NCKAP5: variants seen among roughly 807,000 people sequenced by gnomAD.
NCKAP5 encodes the protein nck-associated protein 5.
In NCKAP5, 92 loss-of-function variants were observed where a neutral mutation model predicts 167.0. The ratio of observed to expected loss-of-function variants is 0.55; its 90% confidence interval spans 0.47 to 0.66. The LOEUF is 0.66. Ranked by LOEUF, NCKAP5 falls within the 30% of genes least tolerant of loss-of-function variation. The probability of loss-of-function intolerance (pLI) is 0.00; values close to 1 mark genes in which losing one functional copy is unlikely to be tolerated. For synonymous variants in NCKAP5, 891 were observed against 877.4 expected, an observed-to-expected ratio of 1.02 and a Z score of -0.27; for missense variants, 2,378 against 2,315.0, an observed-to-expected ratio of 1.03 and a Z score of -0.56.
At chr2:132,812,821 C>T (rs1259514336) in intron 11 of NCKAP5, among the ~76,000 whole-genome samples, 1 of 152,106 alleles carries the variant, frequency 6.6e-6, no homozygotes, top group Non-Finnish European at 1.5e-5. Flanking sequence ...GCCAGCAGAT[C>T]CAGTGTCTGC....
At chr2:133,140,625 T>C (rs1322080328) in intron 5 of NCKAP5, among the ~76,000 whole-genome samples, 1 of 152,106 alleles carries the variant, frequency 6.6e-6, no homozygotes, top group Non-Finnish European at 1.5e-5. Flanking sequence ...GCCTAATTTA[T>C]GGTTTATAAA....
chr2:133,526,404 T>C (rs960057712), intron 2 of NCKAP5, among the ~76,000 whole-genome samples: 1 of 151,974 alleles, frequency 6.6e-6, no homozygotes, highest in African/African-American at 2.4e-5. Flanking sequence ...ATATATTGAT[T>C]AGTAAAATGC....
intron 11 of NCKAP5, among the ~76,000 whole-genome samples, chr2:132,812,922 A>G (rs1685992086): frequency 6.6e-6 from 1 of 152,128 alleles, no homozygotes; most frequent in Non-Finnish European, 1.5e-5. Context: ...GGACTCTTTT[A>G]TAAGGGCACT....
chr2:132,717,877 AT>A (rs1041787021), intron 19 of NCKAP5, among the ~76,000 whole-genome samples: 1 of 152,152 alleles, frequency 6.6e-6, no homozygotes, highest in Non-Finnish European at 1.5e-5. Flanking sequence ...TGACCATTGC[AT>A]TTTGAGGGTA....
At chr2:133,178,853 A>C (rs1836219) in intron 5 of NCKAP5, among the ~76,000 whole-genome samples, 3 of 140,610 alleles carry the variant, frequency 2.1e-5, no homozygotes, top group Non-Finnish European at 4.7e-5. Context: ...AAAAAAAAAA[A>C]CCCAGGTCTC....
intron 11 of NCKAP5, among the ~76,000 whole-genome samples, chr2:132,855,602 C>T (rs1177653708): frequency 6.6e-6 from 1 of 152,164 alleles, no homozygotes; most frequent in African/African-American, 2.4e-5. Context: ...GATGTTCTTG[C>T]CTCTTCTCCC....
intron 11 of NCKAP5, among the ~76,000 whole-genome samples, chr2:132,849,303 C>T (rs1688907124): frequency 6.6e-6 from 1 of 152,156 alleles, no homozygotes; most frequent in South Asian, 2.1e-4. Flanking sequence ...GCATTTCCAA[C>T]TCCTGCTTAT....
At chr2:133,099,911 T>C (rs2149674487) in intron 6 of NCKAP5, among the ~76,000 whole-genome samples, 1 of 152,348 alleles carries the variant, frequency 6.6e-6, no homozygotes, top group Non-Finnish European at 1.5e-5. Flanking sequence ...CTATGGCTAC[T>C]TTTGCGCTAC....
At chr2:132,973,065 G>C (rs925081567) in intron 7 of NCKAP5, among the ~76,000 whole-genome samples, 1 of 152,100 alleles carries the variant, frequency 6.6e-6, no homozygotes, top group Middle Eastern at 3.2e-3. Context: ...CCAATACTCA[G>C]TTCCACTGGG....
chr2:132,724,091 C>T (rs537692888), intron 19 of NCKAP5, among the ~76,000 whole-genome samples: 2 of 152,306 alleles, frequency 1.3e-5, no homozygotes, highest in Admixed American at 1.3e-4. Context: ...GCCATTCCCT[C>T]TACTGGGAGT....
At chr2:132,962,861 G>T (rs2076558859) in intron 8 of NCKAP5, among the ~76,000 whole-genome samples, 1 of 152,144 alleles carries the variant, frequency 6.6e-6, no homozygotes, top group Non-Finnish European at 1.5e-5. Flanking sequence ...AAAGTTCTGG[G>T]ATTACAGGCG....
intron 1 of NCKAP5, among the ~76,000 whole-genome samples, chr2:133,566,860 C>T (rs537226740): frequency 1.1e-3 from 173 of 152,316 alleles, no homozygotes; most frequent in African/African-American, 3.6e-3. Context: ...CTCTAATACA[C>T]AAAACATATC....
chr2:133,446,795 T>C (rs2151183591), intron 3 of NCKAP5, among the ~76,000 whole-genome samples: 1 of 151,444 alleles, frequency 6.6e-6, no homozygotes, highest in East Asian at 1.9e-4. Flanking sequence ...GAGACAACCA[T>C]GGGAGAGAGG....
At chr2:133,574,071 C>T in the NCKAP5 span, among the ~76,000 whole-genome samples, 1 of 152,098 alleles carries the variant, frequency 6.6e-6, no homozygotes, top group East Asian at 1.9e-4. Context: ...CAATTTTCAC[C>T]TGATTCTGGG....
At chr2:133,488,731 C>T (rs1488823726) in intron 3 of NCKAP5, among the ~76,000 whole-genome samples, 1 of 152,044 alleles carries the variant, frequency 6.6e-6, no homozygotes, top group Non-Finnish European at 1.5e-5. Flanking sequence ...AGACGGCCAA[C>T]ACGGTGAAAC....
At chr2:132,721,496 A>G (rs1689926123) in intron 19 of NCKAP5, among the ~76,000 whole-genome samples, 1 of 152,112 alleles carries the variant, frequency 6.6e-6, no homozygotes, top group Admixed American at 6.6e-5. Flanking sequence ...TGGGACGGCC[A>G]ATCTCCTTTT....
At chr2:132,916,942 T>C (rs1214460518) in intron 8 of NCKAP5, among the ~76,000 whole-genome samples, 1 of 152,214 alleles carries the variant, frequency 6.6e-6, no homozygotes, top group Non-Finnish European at 1.5e-5. Context: ...CTTGATTCTC[T>C]AATGCAAAAT....
chr2:132,780,941 TC>T lies in NCKAP5; in HGVS notation c.5049+110del, dbSNP rs1265435241. ...AATCCTTTTTCACTGACCTTTTCTT[TC>T]CCCCAGTTGCAATCTCTTACCCATA... is the stretch of plus-strand genomic sequence containing the variant. On this transcript the variant is annotated intron_variant, in intron 15 of 19. Transcript: ENST00000409261. 2.1e-5 allele frequency: 23 copies of T among 1,091,456 alleles called. No individual in the cohort carries two copies. The Admixed American group carries it at 7.0e-4, about 33-fold the overall frequency. 67.6% of individuals were successfully genotyped at this position (1,091,456 alleles called of 1,614,324 possible).
chr2:133,480,184 G>A (rs1409635907), intron 3 of NCKAP5, among the ~76,000 whole-genome samples: 4 of 152,038 alleles, frequency 2.6e-5, no homozygotes, highest in South Asian at 2.1e-4. Flanking sequence ...CACCCACCTC[G>A]GCCTCCCAAA....
Sources: allele counts gnomAD v4.1 joint callset (sites outside exome capture counted in the v4.1 genomes callset), GRCh38; gene constraint gnomAD v4.1.1; transcripts MANE v1.5; gene names NCBI Gene and HGNC (gene_info 2026-07-23, HGNC 2026-07-21).